Variants in FTO observed in about 807,000 individuals in gnomAD.
FTO encodes the protein FTO alpha-ketoglutarate dependent dioxygenase, also known as alpha-ketoglutarate-dependent dioxygenase FTO.
Under a neutral mutation model 63.9 loss-of-function variants are expected in FTO, and 47 were observed. The observed-to-expected ratio is 0.74, with a 90% CI of 0.58 to 0.94. The LOEUF (loss-of-function observed/expected upper bound fraction) is 0.94. FTO is among the 40% of genes least tolerant of loss of function. The pLI is 0.00. For missense variants in FTO, 562 were observed against 618.1 expected (o/e 0.91, Z 0.96); for synonymous variants, 207 against 224.4 (o/e 0.92, Z 0.69).
intron 8 of FTO, among the ~76,000 whole-genome samples, chr16:54,055,983 G>A (rs1441297533): frequency 6.6e-6 from 1 of 152,252 alleles, no homozygotes; most frequent in Non-Finnish European, 1.5e-5. Context: ...CCACTGGAGA[G>A]AGGAAGCTGA....
intron 8 of FTO, among the ~76,000 whole-genome samples, chr16:54,074,721 A>C (rs1413513078): frequency 6.6e-6 from 1 of 152,092 alleles, no homozygotes; most frequent in African/African-American, 2.4e-5. Flanking sequence ...AATCTTTATC[A>C]CCTAAGGATA....
At chr16:53,726,835 G>T (rs1039518569) in intron 1 of FTO, among the ~76,000 whole-genome samples, 4 of 152,152 alleles carry the variant, frequency 2.6e-5, no homozygotes, top group Non-Finnish European at 5.9e-5. Flanking sequence ...GTTGGAGCAG[G>T]TTGGAGATGT....
At chr16:54,036,233 C>T (rs1236668062) in intron 8 of FTO, among the ~76,000 whole-genome samples, 2 of 152,138 alleles carry the variant, frequency 1.3e-5, no homozygotes, top group African/African-American at 4.8e-5. Context: ...CACATTAGTC[C>T]TAATCTAATA....
intron 8 of FTO, among the ~76,000 whole-genome samples, chr16:53,963,158 G>A (rs2083120485): frequency 6.6e-6 from 1 of 152,112 alleles, no homozygotes; most frequent in African/African-American, 2.4e-5. Context: ...GGTATTTGAG[G>A]ATCCTAATGA....
intron 7 of FTO, among the ~76,000 whole-genome samples, chr16:53,909,532 CTTTTTTTTT>C (rs58121446): frequency 2.7e-4 from 19 of 71,190 alleles, no homozygotes; most frequent in Non-Finnish European, 4.2e-4. Flanking sequence ...AGAGCCCCGC[CTTTTTTTTT>C]TTTTTTTTTT....
rs543398279 is a variant in FTO, at chr16:53,957,489, C to T, written c.1364+23380C>T. On this transcript the variant is annotated intron_variant, in intron 8 of 8. Coordinates refer to ENST00000471389, the MANE Select transcript of FTO (RefSeq NM_001080432.3). ...AGTATCTAAGACCCTATCCAAGGTT[C>T]GTCCAGTAGTAGTGGAATAGGGTCT... Among the ~76,000 whole-genome samples, 15 of 152,304 alleles carry T rather than the reference C, an allele frequency of 9.8e-5. No individual in the cohort carries two copies. In the East Asian group the frequency reaches 2.3e-3, roughly 24 times the overall value.
intron 8 of FTO, among the ~76,000 whole-genome samples, chr16:53,982,072 T>C (rs1208519835): frequency 6.6e-6 from 1 of 151,068 alleles, no homozygotes; most frequent in Non-Finnish European, 1.5e-5. Flanking sequence ...AGAGCGAGAC[T>C]CTGTTAAAAA....
intron 1 of FTO, among the ~76,000 whole-genome samples, chr16:53,758,820 C>T (rs930323767): frequency 1.3e-5 from 2 of 152,028 alleles, no homozygotes; most frequent in Non-Finnish European, 2.9e-5. Context: ...GAAACAGGAA[C>T]AAGATGCTAA....
At chr16:53,930,528 T>TTGACTTTTTGAGGTTC (rs2082257245) in intron 7 of FTO, among the ~76,000 whole-genome samples, 4 of 152,140 alleles carry the variant, frequency 2.6e-5, no homozygotes, top group Non-Finnish European at 1.5e-5. Context: ...AGGCCAATTA[T>TTGACTTTTTGAGGTTC]CTTCTCATTT....
chr16:53,721,320 A>G (rs2076035578), intron 1 of FTO, among the ~76,000 whole-genome samples: 1 of 152,206 alleles, frequency 6.6e-6, no homozygotes, highest in African/African-American at 2.4e-5. Context: ...CTGTTCCCGA[A>G]GTATATAGAC....
chr16:54,063,546 T>C (rs2085640125), intron 8 of FTO: 1 of 152,216 alleles, frequency 6.6e-6, no homozygotes, highest in South Asian at 2.1e-4. Flanking sequence ...TGCCGTATGG[T>C]GTTCTATTGT....
chr16:54,031,589 G>A (rs1391669890), intron 8 of FTO, among the ~76,000 whole-genome samples: 6 of 152,114 alleles, frequency 3.9e-5, no homozygotes, highest in African/African-American at 9.7e-5. Context: ...GGGTGGCATC[G>A]TTGGCTCATC....
intron 8 of FTO, among the ~76,000 whole-genome samples, chr16:54,060,880 C>T (rs2085553513): frequency 6.6e-6 from 1 of 152,140 alleles, no homozygotes; most frequent in South Asian, 2.1e-4. Flanking sequence ...ACTATCCTTC[C>T]CAGACATAAA....
At position 53,826,289 on chromosome 16, in the gene FTO, A is replaced by G; in HGVS notation, c.549A>G (p.Ser183=). Residue 183 remains serine (S), a synonymous_variant, in exon 3 of 9, where the codon TCA becomes TCG. Transcript: ENST00000471389. The part of the protein sequence containing the change: ...SADFPRVGMG[S]SYNGQDEVDI... ...ATTTCCCCAGGGTTGGGATGGGTTC[A>G]TCCTACAACGGACAAGATGAAGTGG... 2 of 1,614,250 alleles carry G rather than the reference A, an allele frequency of 1.2e-6. No homozygotes were observed. The highest frequency in any genetic ancestry group is 1.7e-6 in the Non-Finnish European group (2 of 1,180,044).
intron 7 of FTO, among the ~76,000 whole-genome samples, chr16:53,904,479 T>G (rs1414019118): frequency 6.6e-6 from 1 of 152,216 alleles, no homozygotes. Flanking sequence ...GGGAAGGTTG[T>G]TCTCTTTCAC....
At chr16:54,072,025 T>C (rs1340532335) in intron 8 of FTO, 1 of 152,308 alleles carries the variant, frequency 6.6e-6, no homozygotes, top group South Asian at 2.1e-4. Flanking sequence ...TTAAAATTTT[T>C]GATCATAGAC....
intron 1 of FTO, among the ~76,000 whole-genome samples, chr16:53,726,486 C>T (rs1235384643): frequency 2.0e-5 from 3 of 152,090 alleles, no homozygotes; most frequent in Non-Finnish European, 4.4e-5. Flanking sequence ...TCTGAGGCTA[C>T]CTCTGTGTCT....
chr16:54,014,850 CTTTTTTT>C (rs149634902), intron 8 of FTO, among the ~76,000 whole-genome samples: 12 of 102,920 alleles, frequency 1.2e-4, no homozygotes, highest in South Asian at 3.5e-4. Flanking sequence ...CTCTCTCTCT[CTTTTTTT>C]TTTTTTTTTT....
chr16:53,967,862 G>A (rs772777915), intron 8 of FTO, among the ~76,000 whole-genome samples: 1 of 152,222 alleles, frequency 6.6e-6, no homozygotes, highest in Non-Finnish European at 1.5e-5. Flanking sequence ...TTTGACGGTT[G>A]TGCTTGTGTG....
Sources: gnomAD v4.1 joint callset for allele counts (sites outside exome capture counted in the v4.1 genomes callset) on GRCh38, gnomAD v4.1.1 for gene constraint, MANE v1.5 for transcripts, NCBI Gene and HGNC (gene_info 2026-07-23, HGNC 2026-07-21) for gene names.